The following MSRB2 variants were observed in gnomAD, a reference collection of about 807,000 sequenced individuals.
The protein encoded by MSRB2 is methionine-R-sulfoxide reductase B2, mitochondrial.
Under a neutral mutation model 19.0 loss-of-function variants are expected in MSRB2, and 17 were observed. The ratio of observed to expected loss-of-function variants is 0.89; its 90% confidence interval spans 0.61 to 1.34. The LOEUF is 1.34. Ranked by LOEUF, MSRB2 falls within the 40% of genes most tolerant of loss-of-function variation. The pLI is 0.00. For synonymous variants in MSRB2, 107 were observed against 99.7 expected, an observed-to-expected ratio of 1.07 and a Z score of -0.44; for missense variants, 208 against 237.6, an observed-to-expected ratio of 0.88 and a Z score of 0.82.
At chr10:23,104,488 C>A (rs563657630) in intron 2 of MSRB2, among the ~76,000 whole-genome samples, 12 of 152,086 alleles carry the variant, frequency 7.9e-5, no homozygotes, top group African/African-American at 2.9e-4. Context: ...TTCCATGCAC[C>A]GCTGTCACCT....
intron 3 of MSRB2, among the ~76,000 whole-genome samples, 188 bp downstream of exon 3, chr10:23,110,506 T>G (rs1840038812): frequency 6.6e-6 from 1 of 152,224 alleles, no homozygotes; most frequent in South Asian, 2.1e-4. Flanking sequence ...TCTTGACTTT[T>G]TTTTCTAGCA....
chr10:23,095,585 C>G lies in MSRB2; in HGVS notation c.-24C>G. The G allele has an allele frequency of 6.8e-7, 1 of 1,464,326 alleles. No homozygotes were observed. Among genetic ancestry groups the G allele is most frequent in the South Asian group, 1.3e-5 (1 of 78,252 alleles). The allele number at this position is 1,464,326 out of a possible 1,614,324, so 90.7% of individuals were successfully genotyped here. On this transcript the variant is annotated 5_prime_UTR_variant, in exon 1 of 5. Transcript: ENST00000376510. ...GCAGAGACGGGCAGAGGGCAGAGGG[C>G]GGAGCGGCGCCGGAGCGGGCGTCAT...
At chr10:23,113,441 T>C (rs1840075810) in intron 3 of MSRB2, among the ~76,000 whole-genome samples, 1 of 150,612 alleles carries the variant, frequency 6.6e-6, no homozygotes, top group African/African-American at 2.5e-5. Context: ...TATCACACAA[T>C]TTAGGACCTA....
At chr10:23,111,947 T>C (rs1840062453) in intron 3 of MSRB2, among the ~76,000 whole-genome samples, 1 of 151,882 alleles carries the variant, frequency 6.6e-6, no homozygotes, top group Admixed American at 6.6e-5. Flanking sequence ...AACTTAAATG[T>C]AATTTTAATT....
rs144089209 is a variant in MSRB2, at chr10:23,106,705, G to A, written c.219+2461G>A. On this transcript the variant is annotated intron_variant, in intron 2 of 4. Transcript: ENST00000376510. Reference sequence around the variant, plus strand: ...TTGTAGGCAGCCCTCCCCTGCAGGTGCAGCCTCACCAGGTTCTGGCCACTC... The same window carrying A: ...TTGTAGGCAGCCCTCCCCTGCAGGTACAGCCTCACCAGGTTCTGGCCACTC... Among the ~76,000 whole-genome samples, 51 of 152,328 alleles carry A rather than the reference G, an allele frequency of 3.3e-4. No homozygotes were observed. The East Asian group carries it at 9.6e-3, about 29-fold the overall frequency.
Position 23,119,975 on chromosome 10 carries a change from C to G in MSRB2, c.444+524C>G, listed in dbSNP as rs914342759. ...TGGGCACTGCAAAAAAGAGAAAAGT[C>G]TTCTCCAGCCTCTCTCTAATGTGGC... On this transcript the variant is annotated intron_variant, in intron 4 of 4. Transcript: ENST00000376510. Among the ~76,000 whole-genome samples, 6 of 152,238 alleles carry G rather than the reference C, an allele frequency of 3.9e-5. 1 individual carries two copies. In the South Asian group the frequency reaches 1.2e-3, roughly 32 times the overall value.
intron 3 of MSRB2, among the ~76,000 whole-genome samples, chr10:23,114,341 C>T (rs1488771310): frequency 7.0e-6 from 1 of 143,740 alleles, no homozygotes; most frequent in African/African-American, 2.6e-5. Flanking sequence ...CAGAGTGAGA[C>T]TCCATCTCAA....
At chr10:23,116,810 T>C (rs547690217) in intron 3 of MSRB2, among the ~76,000 whole-genome samples, 82 of 152,186 alleles carry the variant, frequency 5.4e-4, no homozygotes, top group African/African-American at 1.8e-3. Flanking sequence ...GCAGTTAGAG[T>C]TGATTCTTTA....
chr10:23,121,009 T>C lies in MSRB2; in HGVS notation c.*147T>C. 1 of 630,204 alleles carries C rather than the reference T, an allele frequency of 1.6e-6. No individual in the cohort carries two copies. Among genetic ancestry groups the C allele is most frequent in the South Asian group, 2.0e-5 (1 of 50,878 alleles). 39.0% of individuals were successfully genotyped at this position (630,204 alleles called of 1,614,324 possible). ...GAGTCATTGCTTCTCTTAATTTATT[T>C]ACCTGGAATCAACTTAATCCTGTGT... On this transcript the variant is annotated 3_prime_UTR_variant, in exon 5 of 5. Coordinates refer to ENST00000376510, the MANE Select transcript of MSRB2 (RefSeq NM_012228.4).
Position 23,096,268 on chromosome 10 carries a change from T to G in MSRB2, c.118+542T>G, listed in dbSNP as rs377229316. On this transcript the variant is annotated intron_variant, in intron 1 of 4. Transcript: ENST00000376510. ...AGCCAGGGAGACTGGGTTGATCATT[T>G]GTTCCTTCTTTAAGGTGACAGCCAT... is the stretch of plus-strand genomic sequence containing the variant. 7.2e-5 allele frequency among the ~76,000 whole-genome samples: 11 copies of G among 152,230 alleles called. No individual in the cohort carries two copies. The South Asian group carries it at 1.7e-3, about 23-fold the overall frequency.
At chr10:23,116,921 T>C (rs973269096) in intron 3 of MSRB2, among the ~76,000 whole-genome samples, 5 of 152,194 alleles carry the variant, frequency 3.3e-5, no homozygotes, top group African/African-American at 1.2e-4. Flanking sequence ...GCCAGTCTTA[T>C]GATCTCTATT....
intron 2 of MSRB2, among the ~76,000 whole-genome samples, chr10:23,105,192 ATC>A (rs977411522): frequency 9.6e-5 from 14 of 145,138 alleles, no homozygotes; most frequent in South Asian, 2.3e-4. Flanking sequence ...TGCTACATTT[ATC>A]TCTCTCTCTC....
chr10:23,116,466 A>G (rs1350003026), intron 3 of MSRB2, among the ~76,000 whole-genome samples: 1 of 152,196 alleles, frequency 6.6e-6, no homozygotes, highest in Non-Finnish European at 1.5e-5. Flanking sequence ...TTGAACAAAC[A>G]TGCATGTAAC....
At chr10:23,117,518 C>A (rs1018882740) in intron 3 of MSRB2, among the ~76,000 whole-genome samples, 3 of 152,132 alleles carry the variant, frequency 2.0e-5, no homozygotes, top group Admixed American at 2.0e-4. Flanking sequence ...TAATTATTTG[C>A]CTTAAATATA....
At chr10:23,104,819 C>G (rs1313982595) in intron 2 of MSRB2, among the ~76,000 whole-genome samples, 2 of 152,088 alleles carry the variant, frequency 1.3e-5, no homozygotes, top group African/African-American at 4.8e-5. Context: ...GGCCTTTGCA[C>G]CCAGCTTTCC....
chr10:23,107,688 T>C (rs907241901), intron 2 of MSRB2, among the ~76,000 whole-genome samples: 5 of 152,210 alleles, frequency 3.3e-5, no homozygotes, highest in Non-Finnish European at 5.9e-5. Flanking sequence ...TCAGCTCACG[T>C]GTGTCTTCCT....
rs1840186434 is a variant in MSRB2, at chr10:23,121,777, A to G, written c.*915A>G. 1 of 152,256 alleles carries G rather than the reference A, an allele frequency of 6.6e-6. No homozygotes were observed. Among genetic ancestry groups the G allele is most frequent in the Non-Finnish European group, 1.5e-5 (1 of 68,054 alleles). The allele number at this position is 152,256 out of a possible 1,614,324, so 9.4% of individuals were successfully genotyped here. On this transcript the variant is annotated 3_prime_UTR_variant, in exon 5 of 5. Transcript: ENST00000376510. ...GGAATCAACAATGCTAGCACTGAAG[A>G]GCAGGATTACGGAGGAGCTGTGCTC...
chr10:23,095,799 G>A, intron 1 of MSRB2, 73 bp downstream of exon 1: 1 of 1,059,816 alleles, frequency 9.4e-7, no homozygotes, highest in Non-Finnish European at 1.2e-6. Context: ...GCACCCGGGA[G>A]CCTAGGGCCG....
intron 3 of MSRB2, among the ~76,000 whole-genome samples, chr10:23,118,183 G>A (rs1277995310): frequency 1.3e-5 from 2 of 152,122 alleles, no homozygotes; most frequent in African/African-American, 4.8e-5. Flanking sequence ...GGGACACAGA[G>A]GGGACATGAG....
Sources: allele counts gnomAD v4.1 joint callset (sites outside exome capture counted in the v4.1 genomes callset), GRCh38; gene constraint gnomAD v4.1.1; transcripts MANE v1.5; gene names NCBI Gene and HGNC (gene_info 2026-07-23, HGNC 2026-07-21).